Variants in TRIM2 observed in about 807,000 individuals in gnomAD.
The protein encoded by TRIM2 is tripartite motif-containing protein 2.
TRIM2 carries 20 observed loss-of-function variants against 75.2 expected under a neutral mutation model. The ratio of observed to expected loss-of-function variants is 0.27; its 90% CI spans 0.19 to 0.39. TRIM2 has a LOEUF of 0.39. Ranked by LOEUF, TRIM2 falls within the 10% of genes least tolerant of loss-of-function variation. The probability of loss-of-function intolerance (pLI) is 1.00; values close to 1 mark genes in which losing one functional copy is unlikely to be tolerated. For synonymous variants in TRIM2, 373 were observed against 388.3 expected, an observed-to-expected ratio of 0.96 and a Z score of 0.46; for missense variants, 660 against 990.8, an observed-to-expected ratio of 0.67 and a Z score of 4.48.
In TRIM2 at chr4:153,214,594, A is replaced by G. The variant is rs578083830; in HGVS notation, c.30+10034A>G. Among the ~76,000 whole-genome samples, 3 of 152,336 alleles carry G rather than the reference A, an allele frequency of 2.0e-5. No homozygotes were observed. The East Asian group carries it at 5.8e-4, about 29-fold the overall frequency. On this transcript the variant is annotated intron_variant, in intron 1 of 11. Coordinates refer to ENST00000338700, the MANE Select transcript of TRIM2 (RefSeq NM_015271.5). ...AGCGTTCCACATCATTTTCATCATT[A>G]TGAATAACGACAACAGCAACTAAGG...
chr4:153,263,554 C>A (rs1178444438), intron 1 of TRIM2, among the ~76,000 whole-genome samples: 1 of 152,220 alleles, frequency 6.6e-6, no homozygotes, highest in Non-Finnish European at 1.5e-5. Context: ...GGTGCTGGAA[C>A]TACTGCAGTG....
intron 8 of TRIM2, among the ~76,000 whole-genome samples, chr4:153,318,943 T>C (rs1287234129): frequency 6.6e-6 from 1 of 152,182 alleles, no homozygotes; most frequent in African/African-American, 2.4e-5. Context: ...AGCAATACCC[T>C]CTTCTATGAT....
chr4:153,311,185 A>T (rs17369469), intron 6 of TRIM2, among the ~76,000 whole-genome samples: 35,738 of 152,110 alleles, frequency 0.23, 4,991 homozygotes, highest in South Asian at 0.37. Flanking sequence ...ATTTCTACTC[A>T]CACTGAAAAA....
At chr4:153,186,167 A>C (rs958990075) in intron 1 of TRIM2, among the ~76,000 whole-genome samples, 3 of 152,170 alleles carry the variant, frequency 2.0e-5, no homozygotes, top group Non-Finnish European at 4.4e-5. Context: ...CCACAACATC[A>C]GCAGTGCCCA....
At chr4:153,263,396 A>G (rs1219881345) in intron 1 of TRIM2, among the ~76,000 whole-genome samples, 1 of 152,198 alleles carries the variant, frequency 6.6e-6, no homozygotes, top group African/African-American at 2.4e-5. Context: ...GCAAACATTC[A>G]GATGACCGGC....
chr4:153,241,447 A>G (rs1746577228), intron 1 of TRIM2, among the ~76,000 whole-genome samples: 1 of 152,194 alleles, frequency 6.6e-6, no homozygotes. Context: ...AGACACCTCT[A>G]ACTAAACAAA....
At chr4:153,226,031 C>T (rs1054133373) in intron 1 of TRIM2, among the ~76,000 whole-genome samples, 3 of 152,196 alleles carry the variant, frequency 2.0e-5, no homozygotes, top group South Asian at 4.1e-4. Context: ...CCACCACACC[C>T]GACTAATTTT....
chr4:153,276,328 C>T, intron 3 of TRIM2, 198 bp downstream of exon 3: 1 of 600,868 alleles, frequency 1.7e-6, no homozygotes, highest in Non-Finnish European at 3.0e-6. Context: ...AATCAATCTC[C>T]ACTGTGTCTC....
At chr4:153,330,580 T>TA (rs1277327472) in intron 11 of TRIM2, among the ~76,000 whole-genome samples, 12 of 152,164 alleles carry the variant, frequency 7.9e-5, no homozygotes, top group Admixed American at 7.9e-4. Flanking sequence ...AGAAAATCAG[T>TA]CAATGTAATA....
At chr4:153,253,181 G>A (rs1225678516) in intron 1 of TRIM2, among the ~76,000 whole-genome samples, 2 of 152,170 alleles carry the variant, frequency 1.3e-5, no homozygotes, top group East Asian at 3.9e-4. Flanking sequence ...AGCGCAAGAA[G>A]TTAACCAGGG....
chr4:153,169,014 G>A (rs1312051364), intron 1 of TRIM2, among the ~76,000 whole-genome samples: 1 of 152,154 alleles, frequency 6.6e-6, no homozygotes, highest in African/African-American at 2.4e-5. Flanking sequence ...TTGAGAGGCC[G>A]AGGCTGCAGT....
intron 1 of TRIM2, among the ~76,000 whole-genome samples, chr4:153,215,022 C>T (rs1738096216): frequency 6.6e-6 from 1 of 152,224 alleles, no homozygotes; most frequent in African/African-American, 2.4e-5. Flanking sequence ...TAGCATTCTT[C>T]ACCCACACTG....
intron 6 of TRIM2, among the ~76,000 whole-genome samples, chr4:153,310,685 C>T (rs115751973): frequency 0.015 from 2,240 of 152,068 alleles, 42 homozygotes; most frequent in East Asian, 0.074. Flanking sequence ...AAAAGAGGAC[C>T]GTAAGAATCA....
At chr4:153,270,555 C>A in intron 2 of TRIM2, 36 bp downstream of exon 2, 2 of 1,556,352 alleles carry the variant, frequency 1.3e-6, no homozygotes, top group Non-Finnish European at 1.7e-6. Flanking sequence ...GGGAGTTTCG[C>A]AGGCTGACCT....
intron 2 of TRIM2, among the ~76,000 whole-genome samples, chr4:153,272,826 G>A (rs113607930): frequency 7.5e-6 from 1 of 132,828 alleles, no homozygotes; most frequent in Non-Finnish European, 1.5e-5. Context: ...TTAAAATGGG[G>A]TTTTTTGTTT....
intron 11 of TRIM2, among the ~76,000 whole-genome samples, chr4:153,333,670 CA>C (rs1468531947): frequency 1.3e-5 from 2 of 152,112 alleles, no homozygotes; most frequent in African/African-American, 2.4e-5. Context: ...CCCGTACCCC[CA>C]AATCTCACAT....
At position 153,270,341 on chromosome 4, in the gene TRIM2, C is replaced by G; in HGVS notation, c.37C>G (p.Arg13Gly). The G allele has an allele frequency of 6.2e-7, 1 of 1,608,568 alleles. No homozygotes were observed. The highest frequency in any genetic ancestry group is 8.5e-7 in the Non-Finnish European group (1 of 1,177,620). ...RSGRYGTQQQ[R>G]AGSKTAGPPC... ...TTGATTTTCTGTCTGACAGCAGCAG[C>G]GTGCAGGGTCAAAGACAGCCGGCCC... is the stretch of plus-strand genomic sequence containing the variant. The change falls in exon 2 of 12, where the codon CGT (arginine) becomes GGT (glycine). Residue 13 changes from arginine (R) to glycine (G), a missense_variant. Around this residue, in one of 2 missense-constraint regions of TRIM2, gnomAD observed 620 missense variants for 891.0 expected, o/e 0.70. Coordinates refer to ENST00000338700, the MANE Select transcript of TRIM2 (RefSeq NM_015271.5).
intron 11 of TRIM2, among the ~76,000 whole-genome samples, chr4:153,333,162 C>T (rs1325352383): frequency 6.6e-6 from 1 of 152,138 alleles, no homozygotes; most frequent in Non-Finnish European, 1.5e-5. Flanking sequence ...TAATGATACA[C>T]TCAACAACTC....
chr4:153,307,551 A>G (rs1484966431), intron 6 of TRIM2, among the ~76,000 whole-genome samples: 1 of 152,186 alleles, frequency 6.6e-6, no homozygotes, highest in African/African-American at 2.4e-5. Context: ...TTCACTTCCA[A>G]TTCCTTGGAA....
Sources: allele counts gnomAD v4.1 joint callset (sites outside exome capture counted in the v4.1 genomes callset), GRCh38; gene constraint gnomAD v4.1.1; regional missense constraint gnomAD v4.1.1; transcripts MANE v1.5; gene names NCBI Gene and HGNC (gene_info 2026-07-23, HGNC 2026-07-21).